The following SPAG17 variants were observed in gnomAD, a reference collection of about 807,000 sequenced individuals.
SPAG17 encodes sperm-associated antigen 17.
In SPAG17, 169 loss-of-function variants were observed where a neutral mutation model predicts 273.6. That is an observed-to-expected ratio of 0.62 (90% CI 0.55 to 0.70). SPAG17 has a LOEUF of 0.70. Ranked by LOEUF, SPAG17 falls within the 30% of genes least tolerant of loss-of-function variation. The pLI, the probability that SPAG17 is intolerant of heterozygous loss-of-function variation, is 0.00. For missense variants in SPAG17, 2,557 were observed against 2,627.8 expected, an observed-to-expected ratio of 0.97 and a Z score of 0.59; for synonymous variants, 825 against 873.2, an observed-to-expected ratio of 0.94 and a Z score of 0.97.
chr1:118,168,615 CT>C (rs2102387728), intron 1 of SPAG17, among the ~76,000 whole-genome samples: 1 of 152,252 alleles, frequency 6.6e-6, no homozygotes, highest in African/African-American at 2.4e-5. Context: ...AAATTCTAAA[CT>C]TTTGCTAGGT....
intron 23 of SPAG17, among the ~76,000 whole-genome samples, chr1:118,037,312 A>T (rs2101907904): frequency 6.6e-6 from 1 of 152,336 alleles, no homozygotes; most frequent in African/African-American, 2.4e-5. Context: ...TTCAGTCAAA[A>T]CATAATTTTA....
At chr1:118,053,609 C>T (rs1038010060) in intron 20 of SPAG17, among the ~76,000 whole-genome samples, 1 of 151,836 alleles carries the variant, frequency 6.6e-6, no homozygotes, top group Non-Finnish European at 1.5e-5. Context: ...TATAAAAATA[C>T]ATTTCAGATA....
chr1:117,961,721 T>C (rs542348819), intron 48 of SPAG17: 4 of 152,058 alleles, frequency 2.6e-5, no homozygotes, highest in African/African-American at 9.6e-5. Context: ...ATCACTGAAG[T>C]GAGTAAGGGA....
At chr1:118,017,952 T>G (rs1207704316) in intron 28 of SPAG17, among the ~76,000 whole-genome samples, 1 of 152,158 alleles carries the variant, frequency 6.6e-6, no homozygotes, top group Non-Finnish European at 1.5e-5. Flanking sequence ...ATACCAATAA[T>G]TCCACTGAAA....
At position 118,086,054 on chromosome 1, in the gene SPAG17, G is replaced by C. The variant is rs1314201932; in HGVS notation, c.1630C>G (p.Pro544Ala). 6.2e-7 allele frequency: 1 copy of C among 1,613,318 alleles called. No individual in the cohort carries two copies. The highest frequency in any genetic ancestry group is 8.5e-7 in the Non-Finnish European group (1 of 1,179,802). The change falls in exon 13 of 49, where the codon CCA (proline) becomes GCA (alanine). Residue 544 changes from proline to alanine, a missense_variant. Transcript: ENST00000336338. ...TGCATCTCCTGCTCAATTTGAACTG[G>C]ATCAAAATTCTTTTGGTCCTGATGA... ...YALQDQKNFD[P>A]VQIEQEMQSK...
chr1:118,121,326 C>T (rs1268208206), intron 3 of SPAG17, among the ~76,000 whole-genome samples: 1 of 152,076 alleles, frequency 6.6e-6, no homozygotes, highest in Non-Finnish European at 1.5e-5. Context: ...CCTATCTATG[C>T]GTGCCTGTAT....
At chr1:117,964,525 C>T (rs1653561839) in intron 47 of SPAG17, 1 of 151,846 alleles carries the variant, frequency 6.6e-6, no homozygotes, top group Admixed American at 6.6e-5. Context: ...CCTTCTGTCA[C>T]AATGGAAAAA....
At chr1:118,008,768 GT>G (rs35484501) in intron 30 of SPAG17, among the ~76,000 whole-genome samples, 5 of 152,034 alleles carry the variant, frequency 3.3e-5, no homozygotes, top group African/African-American at 1.2e-4. Flanking sequence ...ATTTAATACA[GT>G]TTCAAGACCT....
Position 118,054,030 on chromosome 1 carries a change from A to G in SPAG17, c.2786T>C (p.Ile929Thr). 1 of 1,608,890 alleles carries G rather than the reference A, an allele frequency of 6.2e-7. No individual in the cohort carries two copies. The highest frequency in any genetic ancestry group is 8.5e-7 in the Non-Finnish European group (1 of 1,177,506). Residue 929 changes from isoleucine (I) to threonine (T), a missense_variant, in exon 20 of 49, where the codon ATT becomes ACT. Physicochemically the swap from Ile to Thr is moderately conservative, Grantham distance 89 (BLOSUM62 -1). Transcript: ENST00000336338. Reference protein sequence around the residue: ...DQEKEKEKEKIPFILEGSLKA... With the variant: ...DQEKEKEKEKTPFILEGSLKA... Reference sequence around the variant, plus strand: ...GAGAGAGCCTTCTAAAATGAAAGGAATCTTTTCCTTCTCTTTTTCTTTTTC... The same window carrying G: ...GAGAGAGCCTTCTAAAATGAAAGGAGTCTTTTCCTTCTCTTTTTCTTTTTC...
chr1:118,007,267 T>G (rs981375971), intron 31 of SPAG17, among the ~76,000 whole-genome samples: 1 of 152,206 alleles, frequency 6.6e-6, no homozygotes, highest in Non-Finnish European at 1.5e-5. Context: ...GATAACATTA[T>G]CAGAAGAGAT....
chr1:118,176,994 A>G (rs1228783625), intron 1 of SPAG17, among the ~76,000 whole-genome samples: 3 of 152,172 alleles, frequency 2.0e-5, no homozygotes, highest in Non-Finnish European at 2.9e-5. Flanking sequence ...AAATTTCTTG[A>G]AACAAATGAA....
At chr1:118,087,203 A>G (rs1655063802) in intron 10 of SPAG17, 195 bp from the exon 11 acceptor site, 1 of 419,424 alleles carries the variant, frequency 2.4e-6, no homozygotes, top group Non-Finnish European at 4.1e-6. Context: ...TCCATGCATT[A>G]AGGTAGATAT....
At chr1:118,104,313 G>A (rs527438057) in intron 4 of SPAG17, among the ~76,000 whole-genome samples, 1 of 152,304 alleles carries the variant, frequency 6.6e-6, no homozygotes, top group East Asian at 1.9e-4. Flanking sequence ...GAGCAACTGG[G>A]TGGTTGATGG....
chr1:117,984,896 A>AC, intron 40 of SPAG17, 114 bp from the exon 41 acceptor site: 1 of 665,210 alleles, frequency 1.5e-6, no homozygotes, highest in African/African-American at 1.9e-5. Context: ...TAACAATAAA[A>AC]CTGACAAGAA....
intron 13 of SPAG17, 85 bp from the exon 14 acceptor site, chr1:118,081,727 G>T: frequency 8.8e-7 from 1 of 1,140,040 alleles, no homozygotes; most frequent in Non-Finnish European, 1.3e-6. Flanking sequence ...CAGGGAGTCT[G>T]TCTACCAGAA....
chr1:118,170,226 A>G (rs997837971), intron 1 of SPAG17, among the ~76,000 whole-genome samples: 12 of 152,168 alleles, frequency 7.9e-5, no homozygotes, highest in Admixed American at 6.6e-4. Context: ...AACCATGCTA[A>G]TTATTTTGGG....
intron 20 of SPAG17, among the ~76,000 whole-genome samples, chr1:118,045,714 C>A (rs565655462): frequency 6.6e-6 from 1 of 152,174 alleles, no homozygotes; most frequent in Non-Finnish European, 1.5e-5. Context: ...TCTAGGCACC[C>A]AATACTTGTG....
intron 36 of SPAG17, 42 bp from the exon 37 acceptor site, chr1:117,991,570 T>C: frequency 2.4e-6 from 3 of 1,267,976 alleles, no homozygotes; most frequent in East Asian, 2.4e-5. Flanking sequence ...AACTAGGAAT[T>C]AGGAAGAGAG....
Position 118,055,932 on chromosome 1 carries a change from A to G in SPAG17, c.2541-18T>C. 6.3e-7 allele frequency: 1 copy of G among 1,587,352 alleles called. No homozygotes were observed. Among genetic ancestry groups the G allele is most frequent in the Non-Finnish European group, 8.6e-7 (1 of 1,168,446 alleles). On this transcript the variant is annotated intron_variant, in intron 18 of 48. Transcript: ENST00000336338. ...AATAATTCCTAAACAAACCAATAGCAGACGTCAATTGAGTTACTATGAAAG... is the reference window on the plus strand; with the variant it reads ...AATAATTCCTAAACAAACCAATAGCGGACGTCAATTGAGTTACTATGAAAG...
Sources: allele counts gnomAD v4.1 joint callset (sites outside exome capture counted in the v4.1 genomes callset), GRCh38; gene constraint gnomAD v4.1.1; transcripts MANE v1.5; gene names NCBI Gene and HGNC (gene_info 2026-07-23, HGNC 2026-07-21).